The following BBS9 variants were observed in gnomAD, a reference collection of about 807,000 sequenced individuals.
The protein encoded by BBS9 is Bardet-Biedl syndrome 9.
Under a neutral mutation model 117.7 loss-of-function variants are expected in BBS9, and 89 were observed. The ratio of observed to expected loss-of-function variants is 0.76; its 90% confidence interval spans 0.64 to 0.90. BBS9 has a LOEUF of 0.90. BBS9 is among the 40% of genes least tolerant of loss of function. The probability of loss-of-function intolerance (pLI) is 0.00; values close to 1 mark genes in which losing one functional copy is unlikely to be tolerated. For missense variants in BBS9, 982 were observed against 1,042.2 expected, an observed-to-expected ratio of 0.94 and a Z score of 0.80; for synonymous variants, 379 against 370.9, an observed-to-expected ratio of 1.02 and a Z score of -0.25.
At chr7:33,227,842 T>C (rs974069250) in intron 5 of BBS9, among the ~76,000 whole-genome samples, 5 of 152,212 alleles carry the variant, frequency 3.3e-5, no homozygotes, top group Non-Finnish European at 7.4e-5. Context: ...CCATATTTTC[T>C]TTATCTACTT....
In BBS9 at chr7:33,262,873, T is replaced by G. The variant is rs532463018; in HGVS notation, c.618-1417T>G. On this transcript the variant is annotated intron_variant, in intron 6 of 22. Transcript: ENST00000242067. ...CCTGAACCTATACCAAGAGCATATC[T>G]TTTCTCCCCCAATTACTTGTTACTA... Among the ~76,000 whole-genome samples, 611 of 152,310 alleles carry G rather than the reference T, an allele frequency of 4.0e-3. 2 individuals are homozygous for G. Among genetic ancestry groups the G allele is most frequent in the Admixed American group, 8.4e-3 (128 of 15,290 alleles).
chr7:33,222,103 T>C (rs1790361523), intron 5 of BBS9, among the ~76,000 whole-genome samples: 1 of 152,236 alleles, frequency 6.6e-6, no homozygotes, highest in African/African-American at 2.4e-5. Context: ...TTTTGGCTTC[T>C]TGTTTATTAG....
intron 9 of BBS9, among the ~76,000 whole-genome samples, chr7:33,316,250 G>A (rs995093428): frequency 8.6e-5 from 13 of 152,008 alleles, no homozygotes; most frequent in South Asian, 2.1e-4. Context: ...TTTGTTCAAC[G>A]TACTATTTTT....
intron 19 of BBS9, among the ~76,000 whole-genome samples, chr7:33,443,428 G>A (rs772061526): frequency 5.3e-5 from 8 of 151,720 alleles, no homozygotes; most frequent in African/African-American, 1.2e-4. Flanking sequence ...CACTCCCACC[G>A]GGAAACCCCT....
chr7:33,251,679 G>T (rs1054632149), intron 5 of BBS9, among the ~76,000 whole-genome samples: 2 of 152,146 alleles, frequency 1.3e-5, no homozygotes, highest in African/African-American at 4.8e-5. Flanking sequence ...TAATGTGTTT[G>T]GGTATTTTCC....
chr7:33,527,569 G>A (rs1433232870), intron 20 of BBS9, among the ~76,000 whole-genome samples: 1 of 152,186 alleles, frequency 6.6e-6, no homozygotes, highest in Non-Finnish European at 1.5e-5. Flanking sequence ...GACCCCTTGC[G>A]CTTCCCAAGT....
chr7:33,622,218 C>CA (rs150665671), intron 21 of BBS9, among the ~76,000 whole-genome samples: 2,377 of 151,458 alleles, frequency 0.016, 68 homozygotes, highest in African/African-American at 0.055. Flanking sequence ...AAAATAAAAA[C>CA]AAAAAAAATA....
chr7:33,428,156 G>A (rs1481470091), intron 19 of BBS9, among the ~76,000 whole-genome samples: 5 of 152,192 alleles, frequency 3.3e-5, no homozygotes, highest in Admixed American at 2.6e-4. Context: ...AGAACAACAG[G>A]TATAGTCCAG....
intron 19 of BBS9, among the ~76,000 whole-genome samples, chr7:33,398,207 A>G (rs1229280545): frequency 2.0e-5 from 3 of 152,178 alleles, no homozygotes; most frequent in Admixed American, 6.5e-5. Context: ...ATTACCACAG[A>G]TAACAACTTT....
At chr7:33,242,595 A>G (rs1290231658) in intron 5 of BBS9, among the ~76,000 whole-genome samples, 1 of 152,004 alleles carries the variant, frequency 6.6e-6, no homozygotes, top group Non-Finnish European at 1.5e-5. Context: ...CAAACATTTT[A>G]TACAGTAATT....
At chr7:33,246,695 G>T (rs990974780) in intron 5 of BBS9, among the ~76,000 whole-genome samples, 3 of 151,828 alleles carry the variant, frequency 2.0e-5, no homozygotes, top group African/African-American at 7.3e-5. Flanking sequence ...TAAAGTACAC[G>T]GGTTCTTCTG....
chr7:33,168,727 G>C (rs939032218), intron 4 of BBS9, among the ~76,000 whole-genome samples: 1 of 151,914 alleles, frequency 6.6e-6, no homozygotes, highest in African/African-American at 2.4e-5. Context: ...AAACCTATAA[G>C]AAACCTCAAA....
At chr7:33,488,541 C>CTTAGAACT (rs924526666) in intron 19 of BBS9, among the ~76,000 whole-genome samples, 65 of 152,266 alleles carry the variant, frequency 4.3e-4, no homozygotes, top group African/African-American at 1.3e-3. Flanking sequence ...CTCTCTGGGC[C>CTTAGAACT]TTAGAACTTT....
chr7:33,276,421 A>G (rs777502300), intron 9 of BBS9, among the ~76,000 whole-genome samples: 4 of 152,218 alleles, frequency 2.6e-5, no homozygotes, highest in Non-Finnish European at 5.9e-5. Context: ...CACCACAACT[A>G]TATTTTAATC....
intron 19 of BBS9, among the ~76,000 whole-genome samples, chr7:33,412,336 A>G (rs1049380391): frequency 3.3e-5 from 5 of 152,254 alleles, no homozygotes; most frequent in African/African-American, 1.2e-4. Flanking sequence ...TGCTTAACAT[A>G]GAGCCTGGTG....
Position 33,344,603 on chromosome 7 carries a change from G to A in BBS9, c.1298G>A (p.Gly433Glu), listed in dbSNP as rs750267054. ...CAGCAAGCGACCGATGTTGAGGTGG[G>A]AACTGACCTTGTCCCTTCTGTCACG... ...SVSQATDVEVGTDLVPSVTVK... is the reference protein window; with the variant it reads ...SVSQATDVEVETDLVPSVTVK... Residue 433 changes from glycine (G) to glutamate (E), a missense_variant, in exon 12 of 23, where the codon GGA (glycine) becomes GAA (glutamate). Coordinates refer to ENST00000242067, the MANE Select transcript of BBS9 (RefSeq NM_198428.3). The A allele has an allele frequency of 1.2e-6, 2 of 1,614,030 alleles. No homozygotes were observed. The highest frequency in any genetic ancestry group is 1.7e-6 in the Non-Finnish European group (2 of 1,179,968).
chr7:33,381,549 TCTC>T (rs1414285801), intron 17 of BBS9, among the ~76,000 whole-genome samples: 1 of 152,098 alleles, frequency 6.6e-6, no homozygotes, highest in Admixed American at 6.6e-5. Flanking sequence ...TCATCATTAT[TCTC>T]CCATCTACCT....
intron 5 of BBS9, among the ~76,000 whole-genome samples, chr7:33,245,325 C>G (rs1438877893): frequency 6.6e-6 from 1 of 151,984 alleles, no homozygotes; most frequent in Non-Finnish European, 1.5e-5. Context: ...CCTTTCCCCT[C>G]TCTTCTTAAC....
At chr7:33,569,920 C>G (rs1025143353) in intron 21 of BBS9, among the ~76,000 whole-genome samples, 18 of 152,120 alleles carry the variant, frequency 1.2e-4, no homozygotes, top group African/African-American at 3.4e-4. Flanking sequence ...AGTGAACATA[C>G]CTGGTGCCCA....
Sources: allele counts gnomAD v4.1 joint callset (sites outside exome capture counted in the v4.1 genomes callset), GRCh38; gene constraint gnomAD v4.1.1; transcripts MANE v1.5; gene names NCBI Gene and HGNC (gene_info 2026-07-23, HGNC 2026-07-21).